Variants in GRID2 observed in about 807,000 individuals in gnomAD.
GRID2 encodes glutamate ionotropic receptor delta type subunit 2.
Under a neutral mutation model 114.8 loss-of-function variants are expected in GRID2, and 33 were observed. The ratio of observed to expected loss-of-function variants is 0.29; its 90% CI spans 0.22 to 0.38. The LOEUF (loss-of-function observed/expected upper bound fraction) is 0.38, where lower values mean the gene tolerates loss of function less well. Ranked by LOEUF, GRID2 falls within the 10% of genes least tolerant of loss-of-function variation. The probability of loss-of-function intolerance (pLI) is 1.00; values close to 1 mark genes in which losing one functional copy is unlikely to be tolerated. For synonymous variants in GRID2, 505 were observed against 449.9 expected, an observed-to-expected ratio of 1.12 and a Z score of -1.55; for missense variants, 1,184 against 1,257.7, an observed-to-expected ratio of 0.94 and a Z score of 0.89.
chr4:92,785,369 A>C (rs1480259979), intron 2 of GRID2, among the ~76,000 whole-genome samples: 3 of 151,264 alleles, frequency 2.0e-5, no homozygotes. Flanking sequence ...TCAGCTCTCT[A>C]GCTTTTAATT....
At chr4:93,271,644 T>C (rs900257827) in intron 8 of GRID2, among the ~76,000 whole-genome samples, 1 of 152,180 alleles carries the variant, frequency 6.6e-6, no homozygotes, top group Non-Finnish European at 1.5e-5. Flanking sequence ...AATGTGATCA[T>C]AAGTCACTCT....
intron 2 of GRID2, among the ~76,000 whole-genome samples, chr4:92,985,160 G>A (rs993170099): frequency 1.3e-5 from 2 of 151,386 alleles, no homozygotes; most frequent in Non-Finnish European, 2.9e-5. Context: ...AATTATTACC[G>A]TGGTTTTTGC....
intron 2 of GRID2, among the ~76,000 whole-genome samples, chr4:92,935,203 C>A (rs1750566596): frequency 7.0e-6 from 1 of 143,618 alleles, no homozygotes; most frequent in African/African-American, 2.5e-5. Context: ...AAAAAAACAA[C>A]CCCATCAAAA....
chr4:92,724,610 T>A (rs1560555107), intron 2 of GRID2, among the ~76,000 whole-genome samples: 1 of 152,188 alleles, frequency 6.6e-6, no homozygotes, highest in Non-Finnish European at 1.5e-5. Flanking sequence ...ACTATAGTCA[T>A]GTAATAGACA....
chr4:93,133,930 G>T (rs1295839023), intron 4 of GRID2, among the ~76,000 whole-genome samples: 2 of 152,192 alleles, frequency 1.3e-5, no homozygotes, highest in Non-Finnish European at 2.9e-5. Context: ...AAATAGAAAA[G>T]TAGAATTCCA....
At chr4:93,045,115 C>T (rs1049107434) in intron 2 of GRID2, among the ~76,000 whole-genome samples, 4 of 151,986 alleles carry the variant, frequency 2.6e-5, no homozygotes, top group South Asian at 2.1e-4. Flanking sequence ...AGGCACTATA[C>T]GCAAGCTGGA....
chr4:92,890,017 A>G (rs967218613), intron 2 of GRID2, among the ~76,000 whole-genome samples: 1 of 152,210 alleles, frequency 6.6e-6, no homozygotes, highest in Non-Finnish European at 1.5e-5. Flanking sequence ...CAATGGAGAA[A>G]GGATTCCCTA....
chr4:93,560,222 TAAAAAAAAAAAAAA>T (rs70942974), intron 13 of GRID2, among the ~76,000 whole-genome samples: 9 of 42,954 alleles, frequency 2.1e-4, no homozygotes, highest in East Asian at 1.5e-3. Context: ...GAACTTAAAG[TAAAAAAAAAAAAAA>T]AAAAAAAAAA....
chr4:93,768,614 G>T (rs2110332751), intron 14 of GRID2, among the ~76,000 whole-genome samples: 1 of 152,240 alleles, frequency 6.6e-6, no homozygotes, highest in African/African-American at 2.4e-5. Flanking sequence ...GATCAGTTGT[G>T]CGAAAAACCA....
rs1745002751 is a variant in GRID2 at position 92,868,019 on chromosome 4, T to TCTTC, written c.245-216973_245-216972insCCTT. Among the ~76,000 whole-genome samples the TCTTC allele has an allele frequency of 8.4e-5, 3 of 35,536 alleles. No homozygotes were observed. The South Asian group carries it at 3.3e-3, about 39-fold the overall frequency. 23.3% of individuals were successfully genotyped at this position (35,536 alleles called of 152,430 possible). ...ATAGGCAAATGATACTGAAAGGTTT[T>TCTTC]CTTTCTTTCTTTCTTTCTTTCTTTC... On this transcript the variant is annotated intron_variant, in intron 2 of 15. Coordinates refer to ENST00000282020, the MANE Select transcript of GRID2 (RefSeq NM_001510.4).
At chr4:93,429,422 A>C (rs1439887803) in intron 10 of GRID2, among the ~76,000 whole-genome samples, 1 of 152,240 alleles carries the variant, frequency 6.6e-6, no homozygotes, top group East Asian at 1.9e-4. Flanking sequence ...ATACTTAAAA[A>C]ATTCCTTTGG....
intron 1 of GRID2, among the ~76,000 whole-genome samples, chr4:92,545,760 C>T (rs994269226): frequency 6.6e-6 from 1 of 152,020 alleles, no homozygotes; most frequent in African/African-American, 2.4e-5. Context: ...CACTTGGCTG[C>T]GACACTCATT....
At chr4:93,582,027 T>G (rs951532681) in intron 13 of GRID2, among the ~76,000 whole-genome samples, 4 of 152,250 alleles carry the variant, frequency 2.6e-5, no homozygotes, top group African/African-American at 9.6e-5. Flanking sequence ...CTGTTGCTCC[T>G]GTAACAAATT....
chr4:92,595,609 T>C (rs2149215273), intron 2 of GRID2, among the ~76,000 whole-genome samples: 1 of 152,208 alleles, frequency 6.6e-6, no homozygotes, highest in African/African-American at 2.4e-5. Context: ...ATCTGCCTCA[T>C]ATATCTTCTA....
chr4:92,779,795 G>A (rs750935727), intron 2 of GRID2, among the ~76,000 whole-genome samples: 1 of 152,080 alleles, frequency 6.6e-6, no homozygotes, highest in Non-Finnish European at 1.5e-5. Flanking sequence ...TCAGGGCTTT[G>A]TTACTATGAA....
intron 4 of GRID2, among the ~76,000 whole-genome samples, chr4:93,200,565 C>CAAAAAAAA (rs1193157530): frequency 3.9e-5 from 4 of 102,312 alleles, no homozygotes; most frequent in African/African-American, 1.9e-4. Context: ...GACTCCGTCT[C>CAAAAAAAA]AAAACAAACA....
intron 2 of GRID2, among the ~76,000 whole-genome samples, chr4:92,824,941 G>A: frequency 6.6e-6 from 1 of 151,652 alleles, no homozygotes; most frequent in Admixed American, 6.6e-5. Flanking sequence ...ATAAATATAT[G>A]AAAGTTTATA....
chr4:93,674,031 A>G (rs574803676), intron 14 of GRID2, among the ~76,000 whole-genome samples: 2 of 150,474 alleles, frequency 1.3e-5, no homozygotes, highest in African/African-American at 4.9e-5. Flanking sequence ...TGACCCCCAC[A>G]TTGCTCCTTT....
intron 11 of GRID2, among the ~76,000 whole-genome samples, chr4:93,475,885 AG>A (rs2149440744): frequency 1.3e-5 from 2 of 152,300 alleles, no homozygotes; most frequent in East Asian, 1.9e-4. Context: ...AAACATTAAA[AG>A]CTAATGGATC....
Sources: allele counts gnomAD v4.1 joint callset (sites outside exome capture counted in the v4.1 genomes callset), GRCh38; gene constraint gnomAD v4.1.1; transcripts MANE v1.5; gene names NCBI Gene and HGNC (gene_info 2026-07-23, HGNC 2026-07-21).